The following GRAMD4 variants were observed in gnomAD, a reference collection of about 807,000 sequenced individuals.
GRAMD4 encodes GRAM domain-containing protein 4.
A neutral mutation model predicts 83.9 loss-of-function variants in GRAMD4; 25 were observed. The ratio of observed to expected loss-of-function variants is 0.30; its 90% CI spans 0.22 to 0.42. GRAMD4 has a LOEUF of 0.42. GRAMD4 is among the 10% of genes least tolerant of loss of function. The probability of loss-of-function intolerance (pLI) is 1.00; values close to 1 mark genes in which losing one functional copy is unlikely to be tolerated. For missense variants in GRAMD4, 593 were observed against 788.7 expected (o/e 0.75, Z 2.97); for synonymous variants, 336 against 320.9 (o/e 1.05, Z -0.50).
intron 17 of GRAMD4, 55 bp downstream of exon 17, chr22:46,675,607 G>C (rs1349187685): frequency 9.0e-7 from 1 of 1,105,384 alleles, no homozygotes; most frequent in Non-Finnish European, 1.4e-6. Context: ...TCACCTGACA[G>C]AGGCTGGCGA....
intron 8 of GRAMD4, 80 bp downstream of exon 8, chr22:46,664,197 A>T (rs879006513): frequency 1.1e-5 from 11 of 993,150 alleles, no homozygotes; most frequent in African/African-American, 1.6e-5. Context: ...GCACCTTCCC[A>T]GGGTGGGAGG....
chr22:46,580,328 A>T (rs1174989491), intron 1 of GRAMD4, among the ~76,000 whole-genome samples: 1 of 152,208 alleles, frequency 6.6e-6, no homozygotes, highest in African/African-American at 2.4e-5. Context: ...TGGGCATCCC[A>T]CAGGCTGGCT....
intron 3 of GRAMD4, among the ~76,000 whole-genome samples, chr22:46,657,464 C>T (rs1386717063): frequency 6.6e-6 from 1 of 152,206 alleles, no homozygotes; most frequent in Non-Finnish European, 1.5e-5. Flanking sequence ...GTAGAAGTGT[C>T]CTGACTGCCA....
intron 1 of GRAMD4, among the ~76,000 whole-genome samples, chr22:46,603,296 C>T (rs925310850): frequency 4.7e-5 from 7 of 148,176 alleles, no homozygotes; most frequent in Non-Finnish European, 1.0e-4. Flanking sequence ...CAAGCTCCGC[C>T]TCCTGGGTTT....
intron 13 of GRAMD4, among the ~76,000 whole-genome samples, chr22:46,669,604 G>C (rs546585969): frequency 4.5e-4 from 66 of 147,760 alleles, no homozygotes; most frequent in Middle Eastern, 3.5e-3. Flanking sequence ...GAGACGGAGT[G>C]TCGCTCTGTC....
intron 1 of GRAMD4, among the ~76,000 whole-genome samples, chr22:46,598,057 C>T (rs1569251531): frequency 6.6e-6 from 1 of 152,176 alleles, no homozygotes; most frequent in South Asian, 2.1e-4. Flanking sequence ...TCCCAGCTCA[C>T]TGCAACCTCC....
chr22:46,578,557 C>A (rs2081067432), intron 1 of GRAMD4, among the ~76,000 whole-genome samples: 1 of 152,298 alleles, frequency 6.6e-6, no homozygotes, highest in East Asian at 1.9e-4. Flanking sequence ...ATGGCCTCTG[C>A]CCCGGGCGCT....
chr22:46,624,233 T>C (rs1461452596), intron 1 of GRAMD4, among the ~76,000 whole-genome samples: 3 of 151,590 alleles, frequency 2.0e-5, no homozygotes, highest in Admixed American at 2.0e-4. Flanking sequence ...TAGACATTTT[T>C]ACTTAGTGGC....
chr22:46,618,392 C>T (rs759368708), upstream of GRAMD4, among the ~76,000 whole-genome samples: 5 of 152,130 alleles, frequency 3.3e-5, no homozygotes, highest in Non-Finnish European at 5.9e-5. This position sits in a 1 kb window ranked among gnomAD's most constrained non-coding sequence, Gnocchi z 5.8. Flanking sequence ...GGAATGACAG[C>T]GGGCGGCGCC....
intron 7 of GRAMD4, 71 bp from the exon 8 acceptor site, chr22:46,663,955 C>A: frequency 6.4e-7 from 1 of 1,569,956 alleles, no homozygotes; most frequent in Non-Finnish European, 8.8e-7. Flanking sequence ...GCTGAACCGA[C>A]TCTCCAGGGA....
At chr22:46,642,787 G>A (rs1414418961) in intron 3 of GRAMD4, among the ~76,000 whole-genome samples, 2 of 152,144 alleles carry the variant, frequency 1.3e-5, no homozygotes, top group Non-Finnish European at 2.9e-5. Context: ...AGACTTACAG[G>A]AAAGTCACAA....
intron 13 of GRAMD4, among the ~76,000 whole-genome samples, chr22:46,669,942 C>T (rs1006121431): frequency 2.0e-5 from 3 of 152,202 alleles, no homozygotes; most frequent in East Asian, 1.9e-4. Flanking sequence ...TCAATAACAA[C>T]GATCCAGTGT....
rs1174840060 is a variant in GRAMD4, at chr22:46,663,067, G to T, written c.494G>T (p.Arg165Leu). 6.2e-7 allele frequency: 1 copy of T among 1,611,984 alleles called. No individual in the cohort carries two copies. The highest frequency in any genetic ancestry group is 1.1e-5 in the South Asian group (1 of 91,050). Reference protein sequence around the residue: ...AERRSQGLSSRLQKWFYERFG... With the variant: ...AERRSQGLSSLLQKWFYERFG... ...CGCCGGAGCCAGGGGCTGTCCTCGC[G>T]CCTGCAGAAGTGGTTCTACGAGCGG... is the stretch of plus-strand genomic sequence containing the variant. Residue 165 changes from arginine (R) to leucine (L), a missense_variant, in exon 6 of 19, where the codon CGC (arginine) becomes CTC (leucine). Physicochemically the swap from Arg to Leu is moderately radical, Grantham distance 102. Around this residue, in one of 4 missense-constraint regions of GRAMD4, gnomAD observed 312 missense variants for 350.7 expected, o/e 0.89. Coordinates refer to ENST00000406902, the MANE Select transcript of GRAMD4 (RefSeq NM_015124.5).
At chr22:46,582,660 C>G (rs1746802182) in intron 1 of GRAMD4, among the ~76,000 whole-genome samples, 1 of 152,126 alleles carries the variant, frequency 6.6e-6, no homozygotes, top group East Asian at 1.9e-4. Flanking sequence ...GGCCAGGAGC[C>G]AGGCTGGGAG....
chr22:46,644,939 G>A (rs1229670810), intron 3 of GRAMD4, among the ~76,000 whole-genome samples: 3 of 129,926 alleles, frequency 2.3e-5, no homozygotes, highest in Non-Finnish European at 4.8e-5. Context: ...TTGTGGAGAC[G>A]GGGCTTCACC....
At chr22:46,577,419 G>C in intron 1 of GRAMD4, 1 of 50,836 alleles carries the variant, frequency 2.0e-5, no homozygotes, top group Non-Finnish European at 3.0e-5. Flanking sequence ...CCGCCGCCCG[G>C]GCCCGAGCCG....
At chr22:46,673,633 C>T in intron 14 of GRAMD4, 37 bp from the exon 15 acceptor site, 3 of 1,597,880 alleles carry the variant, frequency 1.9e-6, no homozygotes, top group African/African-American at 1.3e-5. Flanking sequence ...CAGGCGTGGG[C>T]AGCGGGCCTG....
chr22:46,681,568 C>G (rs1351066393), downstream of GRAMD4, among the ~76,000 whole-genome samples: 1 of 152,166 alleles, frequency 6.6e-6, no homozygotes, highest in East Asian at 1.9e-4. Flanking sequence ...GGCCTGGTGC[C>G]CTCTAGGACT....
intron 1 of GRAMD4, among the ~76,000 whole-genome samples, chr22:46,589,052 C>T (rs2081180274): frequency 6.6e-6 from 1 of 151,980 alleles, no homozygotes; most frequent in Non-Finnish European, 1.5e-5. Context: ...GCAGGTGCTT[C>T]GTCAGTACTG....
Sources: gnomAD v4.1 joint callset for allele counts (sites outside exome capture counted in the v4.1 genomes callset) on GRCh38, gnomAD v4.1.1 for gene constraint, gnomAD v4.1.1 regional missense constraint, Gnocchi (gnomAD v3.1) non-coding constraint, MANE v1.5 for transcripts, NCBI Gene and HGNC (gene_info 2026-07-23, HGNC 2026-07-21) for gene names.